Variants in ACSS1 observed in about 807,000 individuals in gnomAD.
The protein encoded by ACSS1 is acetyl-coenzyme A synthetase 2-like, mitochondrial.
ACSS1 carries 42 observed loss-of-function variants against 75.3 expected under a neutral mutation model. The observed-to-expected ratio is 0.56, with a 90% CI of 0.44 to 0.72. The LOEUF (loss-of-function observed/expected upper bound fraction) is 0.72, where lower values mean the gene tolerates loss of function less well. Ranked by LOEUF, ACSS1 falls within the 30% of genes least tolerant of loss-of-function variation. The pLI, the probability that ACSS1 is intolerant of heterozygous loss-of-function variation, is 0.00. For synonymous variants in ACSS1, 380 were observed against 376.8 expected (o/e 1.01, Z -0.10); for missense variants, 782 against 935.7 (o/e 0.84, Z 2.14).
At chr20:25,038,465 A>C (rs982058570) in intron 2 of ACSS1, among the ~76,000 whole-genome samples, 4 of 152,218 alleles carry the variant, frequency 2.6e-5, no homozygotes, top group Non-Finnish European at 5.9e-5. Context: ...TGACTGCAGA[A>C]AATACAAGAC....
At position 25,057,933 on chromosome 20, in the gene ACSS1, G is replaced by A; in HGVS notation, c.170C>T (p.Ser57Leu). 2 of 1,608,144 alleles carry A rather than the reference G, an allele frequency of 1.2e-6. No homozygotes were observed. Among genetic ancestry groups the A allele is most frequent in the South Asian group, 1.1e-5 (1 of 90,590 alleles). The change falls in exon 1 of 14, where the codon TCG becomes TTG. Residue 57 changes from serine to leucine, a missense_variant. Ser to Leu is a moderately radical substitution (Grantham distance 145). Around this residue, in one of 2 missense-constraint regions of ACSS1, gnomAD observed 377 missense variants for 383.1 expected, o/e 0.98. Transcript: ENST00000323482. Reference sequence around the variant, plus strand: ...TGCCTGTGCACTCAGCGCGGGATACGAGCCTGGCTGTGCTGCTGCTGCTGC... The same window carrying A: ...TGCCTGTGCACTCAGCGCGGGATACAAGCCTGGCTGTGCTGCTGCTGCTGC... The part of the protein sequence containing the change: ...AVAAAAAQPG[S>L]YPALSAQAAR...
At chr20:25,049,782 AGAG>A (rs1335822054) in intron 1 of ACSS1, among the ~76,000 whole-genome samples, 1 of 152,030 alleles carries the variant, frequency 6.6e-6, no homozygotes, top group Non-Finnish European at 1.5e-5. Flanking sequence ...AAGGTCACAC[AGAG>A]GCAGAGCTGG....
intron 4 of ACSS1, 25 bp from the exon 5 acceptor site, chr20:25,023,117 C>A (rs535211539): frequency 6.2e-7 from 1 of 1,601,684 alleles, no homozygotes; most frequent in South Asian, 1.1e-5. Context: ...AAACAAACAG[C>A]CCACCGAGGG....
chr20:25,007,307 T>C lies in ACSS1; in HGVS notation c.*455A>G, dbSNP rs2088325224. ...AGTAAATCCACACACTACATGTGAG[T>C]GTTGCATGCTGTTCTTCCACAATAT... On this transcript the variant is annotated 3_prime_UTR_variant, in exon 14 of 14. Coordinates refer to ENST00000323482, the MANE Select transcript of ACSS1 (RefSeq NM_032501.4). The C allele has an allele frequency of 1.1e-5, 12 of 1,084,320 alleles. No homozygotes were observed. In the South Asian group the frequency reaches 3.7e-4, roughly 33 times the overall value. The allele number at this position is 1,084,320 out of a possible 1,614,324, so 67.2% of individuals were successfully genotyped here. A position where few individuals can be genotyped will look rare whatever the true frequency, so the allele number is the denominator to read the frequency against.
At chr20:25,047,164 G>A (rs11907003) in intron 2 of ACSS1, among the ~76,000 whole-genome samples, 7,676 of 152,228 alleles carry the variant, frequency 0.05, 639 homozygotes, top group African/African-American at 0.17. Flanking sequence ...GTGCCCCTTC[G>A]CCCCCAGGTC....
intron 1 of ACSS1, among the ~76,000 whole-genome samples, chr20:25,048,844 C>T (rs1219574077): frequency 1.3e-5 from 2 of 152,242 alleles, no homozygotes; most frequent in Non-Finnish European, 1.5e-5. Context: ...CTCTGTGGCA[C>T]ACCGTGAGAC....
In ACSS1 at chr20:25,012,828, T is replaced by G. The variant is rs1337721968; in HGVS notation, c.1691A>C (p.Glu564Ala). The G allele has an allele frequency of 1.2e-6, 2 of 1,614,038 alleles. No individual in the cohort carries two copies. Among genetic ancestry groups the G allele is most frequent in the African/African-American group, 1.3e-5 (1 of 74,906 alleles). The change falls in exon 11 of 14, where the codon GAG (glutamate) becomes GCG (alanine). Residue 564 changes from glutamate to alanine, a missense_variant. Coordinates refer to ENST00000323482, the MANE Select transcript of ACSS1 (RefSeq NM_032501.4). ...TGTGCTCACGATGGCGTCCTCAATC[T>G]CTGCGGTCCCCAGCCGGTGGCCACT... Reference protein sequence around the residue: ...NISGHRLGTAEIEDAIADHPA... With the variant: ...NISGHRLGTAAIEDAIADHPA...
At position 25,013,604 on chromosome 20, in the gene ACSS1, G is replaced by C; in HGVS notation, c.1511C>G (p.Pro504Arg). ...GCCATAGATGGTCCTGGCCATGCCC[G>C]GCCAGGCCTGGGAGATGCACAGGGC... ...SGALCISQAW[P>R]GMARTIYGDH... Residue 504 changes from proline to arginine, a missense_variant, in exon 10 of 14, where the codon CCG becomes CGG. Coordinates refer to ENST00000323482, the MANE Select transcript of ACSS1 (RefSeq NM_032501.4). 6.2e-7 allele frequency: 1 copy of C among 1,610,182 alleles called. No individual in the cohort carries two copies. The highest frequency in any genetic ancestry group is 2.2e-5 in the East Asian group (1 of 44,678).
rs770600238 is a variant in ACSS1 at position 25,013,958 on chromosome 20, C to T, written c.1452+3G>A. 7 of 1,612,778 alleles carry T rather than the reference C, an allele frequency of 4.3e-6. No individual in the cohort carries two copies. The highest frequency in any genetic ancestry group is 5.9e-6 in the Non-Finnish European group (7 of 1,179,420). ...CCCCCATGTGGGGGAGGCCCATACA[C>T]ACCTTCTCATCCATGAGGACGGGGA... On this transcript the variant is annotated splice_donor_region_variant and intron_variant, in intron 9 of 13. Coordinates refer to ENST00000323482, the MANE Select transcript of ACSS1 (RefSeq NM_032501.4).
intron 7 of ACSS1, among the ~76,000 whole-genome samples, chr20:25,018,180 C>T (rs1227909592): frequency 1.3e-5 from 2 of 152,228 alleles, no homozygotes; most frequent in Non-Finnish European, 2.9e-5. Flanking sequence ...GGTTTCCACC[C>T]TCATGAGTGG....
chr20:25,038,008 A>G (rs2088943418), intron 2 of ACSS1, among the ~76,000 whole-genome samples: 1 of 152,236 alleles, frequency 6.6e-6, no homozygotes, highest in Admixed American at 6.5e-5. Flanking sequence ...GACATTTAGC[A>G]AAGAGAAGCT....
At chr20:25,028,605 C>T (rs1364016477) in intron 3 of ACSS1, among the ~76,000 whole-genome samples, 2 of 152,114 alleles carry the variant, frequency 1.3e-5, no homozygotes, top group African/African-American at 2.4e-5. Context: ...ACACCCTGTA[C>T]AAAAATCAAC....
At chr20:25,053,171 C>G (rs977865827) in intron 1 of ACSS1, among the ~76,000 whole-genome samples, 1 of 150,428 alleles carries the variant, frequency 6.6e-6, no homozygotes, top group Non-Finnish European at 1.5e-5. Flanking sequence ...TCAAGGGATC[C>G]TCCCACCTCA....
chr20:25,042,283 A>C (rs1303651836), intron 2 of ACSS1, among the ~76,000 whole-genome samples: 1 of 152,160 alleles, frequency 6.6e-6, no homozygotes, highest in African/African-American at 2.4e-5. Flanking sequence ...GGCTGGAGGA[A>C]AGGTGGATGC....
intron 1 of ACSS1, among the ~76,000 whole-genome samples, chr20:25,050,607 G>A (rs1265056907): frequency 6.6e-6 from 1 of 151,564 alleles, no homozygotes; most frequent in Non-Finnish European, 1.5e-5. Flanking sequence ...GCATGGCCTG[G>A]TGACCTGCCC....
chr20:25,024,123 A>G (rs1395679415), intron 3 of ACSS1, among the ~76,000 whole-genome samples: 1 of 152,142 alleles, frequency 6.6e-6, no homozygotes, highest in Admixed American at 6.5e-5. Context: ...GTGGGCCAAG[A>G]GCCTTCACTG....
At chr20:25,039,713 T>C (rs1395043251) in intron 2 of ACSS1, among the ~76,000 whole-genome samples, 1 of 152,260 alleles carries the variant, frequency 6.6e-6, no homozygotes, top group Non-Finnish European at 1.5e-5. Flanking sequence ...CAGGATGCAG[T>C]CAGCTTCTAA....
rs371058870 is a variant in ACSS1 at position 25,046,836 on chromosome 20, G to T, written c.431+1249C>A. ...CGAGGATCCAGGGCAGAAGAATGCTGCTGGCCTATGGGCCACACGGCATCT... is the reference window on the plus strand; with the variant it reads ...CGAGGATCCAGGGCAGAAGAATGCTTCTGGCCTATGGGCCACACGGCATCT... On this transcript the variant is annotated intron_variant, in intron 2 of 13. Coordinates refer to ENST00000323482, the MANE Select transcript of ACSS1 (RefSeq NM_032501.4). 37 of 779,684 alleles carry T rather than the reference G, an allele frequency of 4.7e-5. No homozygotes were observed. In the African/African-American group the frequency reaches 5.9e-4, roughly 12 times the overall value. The allele number at this position is 779,684 out of a possible 1,614,324, so 48.3% of individuals were successfully genotyped here.
intron 3 of ACSS1, among the ~76,000 whole-genome samples, chr20:25,023,957 TGCCCAGGAGCAAA>T (rs2088671281): frequency 6.6e-6 from 1 of 152,204 alleles, no homozygotes; most frequent in South Asian, 2.1e-4. Flanking sequence ...CTCTCCTGTC[TGCCCAGGAGCAAA>T]CCCCAGGAAA....
Sources: allele counts gnomAD v4.1 joint callset (sites outside exome capture counted in the v4.1 genomes callset), GRCh38; gene constraint gnomAD v4.1.1; regional missense constraint gnomAD v4.1.1; transcripts MANE v1.5; gene names NCBI Gene and HGNC (gene_info 2026-07-23, HGNC 2026-07-21).